MYH8: variants seen among roughly 807,000 people sequenced by gnomAD.
MYH8 encodes the protein myosin-8.
Under a neutral mutation model 233.2 loss-of-function variants are expected in MYH8, and 168 were observed. That is an observed-to-expected ratio of 0.72 (90% confidence interval 0.64 to 0.82). The LOEUF is 0.82. MYH8 is among the 40% of genes least tolerant of loss of function. The probability of loss-of-function intolerance (pLI) is 0.00; values close to 1 mark genes in which losing one functional copy is unlikely to be tolerated. For missense variants in MYH8, 1,995 were observed against 2,327.8 expected, an observed-to-expected ratio of 0.86 and a Z score of 2.94; for synonymous variants, 785 against 850.6, an observed-to-expected ratio of 0.92 and a Z score of 1.34.
At chr17:10,413,763 G>T in intron 12 of MYH8, 139 bp downstream of exon 12, 1 of 1,249,780 alleles carries the variant, frequency 8.0e-7, no homozygotes, top group South Asian at 1.2e-5. Flanking sequence ...AGGGGGTGAG[G>T]AAAGCATGCA....
In MYH8 at chr17:10,396,926, T is replaced by C. The variant is rs765671595; in HGVS notation, c.4239A>G (p.Lys1413=). ...GCTTCGTCTTCTCAAGGGAAGCACA[T>C]TTGGCGTTCACAGCTTCTACATGTT... ...AEEHVEAVNA[K]CASLEKTKQR... Residue 1413 remains lysine, a synonymous_variant, in exon 31 of 40, where the codon AAA becomes AAG. Transcript: ENST00000403437. The surrounding 1 kb of genome is among the most constrained non-coding windows in gnomAD (Gnocchi z 4.2). 7 of 1,614,108 alleles carry C rather than the reference T, an allele frequency of 4.3e-6. No homozygotes were observed. Among genetic ancestry groups the C allele is most frequent in the Non-Finnish European group, 5.9e-6 (7 of 1,180,048 alleles).
rs34124921 is a variant in MYH8 at position 10,414,223 on chromosome 17, A to G, written c.977T>C (p.Ile326Thr). The part of the protein sequence containing the change: ...VSQGEITVPS[I>T]DDQEELMATD... Reference sequence around the variant, plus strand: ...GGCCATCAACTCTTCTTGGTCATCAATACTGGGAACTGTGATCTCCCCCTG... The same window carrying G: ...GGCCATCAACTCTTCTTGGTCATCAGTACTGGGAACTGTGATCTCCCCCTG... Residue 326 changes from isoleucine (I) to threonine (T), a missense_variant, in exon 11 of 40, where the codon ATT (isoleucine) becomes ACT (threonine). Physicochemically the swap from Ile to Thr is moderately conservative, Grantham distance 89. Coordinates refer to ENST00000403437, the MANE Select transcript of MYH8 (RefSeq NM_002472.3). 132 of 1,614,174 alleles carry G rather than the reference A, an allele frequency of 8.2e-5. No individual in the cohort carries two copies. Among genetic ancestry groups the G allele is most frequent in the East Asian group, 1.6e-4 (7 of 44,878 alleles).
In MYH8 at chr17:10,409,297, A is replaced by G; in HGVS notation, c.1879T>C (p.Tyr627His). The change falls in exon 16 of 40, where the codon TAT becomes CAT. Residue 627 changes from tyrosine to histidine, a missense_variant. Coordinates refer to ENST00000403437, the MANE Select transcript of MYH8 (RefSeq NM_002472.3). ...MKTLASLFST[Y>H]ASAEADSSAK... Reference sequence around the variant, plus strand: ...AAAGTACCTGCTTCAGCACTAGCATACGTGGAAAAGAGACTGGCTAGAGTC... The same window carrying G: ...AAAGTACCTGCTTCAGCACTAGCATGCGTGGAAAAGAGACTGGCTAGAGTC... The G allele has an allele frequency of 6.2e-7, 1 of 1,614,272 alleles. No homozygotes were observed. Among genetic ancestry groups the G allele is most frequent in the Non-Finnish European group, 8.5e-7 (1 of 1,180,042 alleles).
chr17:10,420,676 A>G (rs756677691), intron 2 of MYH8, among the ~76,000 whole-genome samples: 6 of 152,264 alleles, frequency 3.9e-5, no homozygotes, highest in Admixed American at 1.3e-4. Context: ...ATGAAGGTTC[A>G]TATTTTCAAA....
rs1395177133 is a variant in MYH8 at position 10,415,782 on chromosome 17, AAC to A, written c.512-76_512-75del. 2.0e-6 allele frequency: 3 copies of A among 1,498,664 alleles called. No homozygotes were observed. Among genetic ancestry groups the A allele is most frequent in the African/African-American group, 1.4e-5 (1 of 72,120 alleles). 92.8% of individuals were successfully genotyped at this position (1,498,664 alleles called of 1,614,324 possible). On this transcript the variant is annotated intron_variant, in intron 5 of 39. Transcript: ENST00000403437. The surrounding 1 kb of genome is among the most constrained non-coding windows in gnomAD (Gnocchi z 4.1). ...AAGAGTATTGAATCAGTTCAGATCA[AAC>A]ACAGCTTGTTCTTTTTAACTTTTTG... is the stretch of plus-strand genomic sequence containing the variant.
intron 34 of MYH8, 123 bp from the exon 35 acceptor site, chr17:10,394,575 G>T: frequency 8.3e-7 from 1 of 1,203,100 alleles, no homozygotes; most frequent in Non-Finnish European, 1.2e-6. Context: ...TCATTTGAAT[G>T]CATCTGATTA....
rs112910113 is a variant in MYH8 at position 10,396,702 on chromosome 17, T to C, written c.4379A>G (p.Lys1460Arg). Reference sequence around the variant, plus strand: ...AGCCTGAGTTTCCTCATACTTCTGCTTCCATTCTGATAGGACCTGAAAAGC... The same window carrying C: ...AGCCTGAGTTTCCTCATACTTCTGCCTCCATTCTGATAGGACCTGAAAAGC... ...RNFDKVLSEW[K>R]QKYEETQAEL... The change falls in exon 32 of 40, where the codon AAG becomes AGG. Residue 1460 changes from lysine (K) to arginine (R), a missense_variant. By Grantham distance (26) the Lys-to-Arg change is conservative. Transcript: ENST00000403437. The surrounding 1 kb of genome is among the most constrained non-coding windows in gnomAD (Gnocchi z 4.2). 1.1e-3 allele frequency: 1,708 copies of C among 1,614,190 alleles called. 17 individuals are homozygous for C. The African/African-American group carries it at 0.02, about 19-fold the overall frequency.
At chr17:10,404,691 A>G in intron 21 of MYH8, 106 bp from the exon 22 acceptor site, 3 of 1,314,774 alleles carry the variant, frequency 2.3e-6, no homozygotes, top group Non-Finnish European at 3.2e-6. Flanking sequence ...TCACAAATAA[A>G]TATGTCACAT....
Position 10,412,706 on chromosome 17 carries a change from G to C in MYH8, c.1170C>G (p.Leu390=). Residue 390 remains leucine (L), a synonymous_variant, in exon 13 of 40, where the codon CTC becomes CTG. Transcript: ENST00000403437. The part of the protein sequence containing the change: ...GTEVADKAAY[L]QSLNSADLLK... ...GTAGGTCTGCAGAGTTCAGACTCTG[G>C]AGATAGGCTGCCTTGTCAGCGACTG... 1 of 1,614,186 alleles carries C rather than the reference G, an allele frequency of 6.2e-7. No homozygotes were observed.
Position 10,390,413 on chromosome 17 carries a change from G to A in MYH8, c.*41C>T. 2.5e-6 allele frequency: 4 copies of A among 1,611,652 alleles called. No individual in the cohort carries two copies. Among genetic ancestry groups the A allele is most frequent in the Non-Finnish European group, 3.4e-6 (4 of 1,179,404 alleles). The stretch of plus-strand genomic sequence containing the variant: ...CAAGTGACCAAAAATAGCACATTTT[G>A]TGCCTTTCTTCAGCCTCTTGATAGC... On this transcript the variant is annotated 3_prime_UTR_variant, in exon 40 of 40. Transcript: ENST00000403437.
rs571224080 is a variant in MYH8 at position 10,419,120 on chromosome 17, C to T, written c.211-90G>A. Reference sequence around the variant, plus strand: ...TTGCCCAGGCTGGAGTGCAGTGGCGCGATCTCAGCTCACTGCAACCTCCGC... The same window carrying T: ...TTGCCCAGGCTGGAGTGCAGTGGCGTGATCTCAGCTCACTGCAACCTCCGC... On this transcript the variant is annotated intron_variant, in intron 3 of 39. Coordinates refer to ENST00000403437, the MANE Select transcript of MYH8 (RefSeq NM_002472.3). The surrounding 1 kb of genome is among the most constrained non-coding windows in gnomAD (Gnocchi z 4.0). 1.2e-4 allele frequency: 171 copies of T among 1,455,150 alleles called. No individual in the cohort carries two copies. The highest frequency in any genetic ancestry group is 1.2e-3 in the African/African-American group (84 of 71,718). 90.1% of individuals were successfully genotyped at this position (1,455,150 alleles called of 1,614,324 possible).
At chr17:10,412,543 T>C (rs370119908) in intron 13 of MYH8, 24 bp from the exon 14 acceptor site, 47 of 1,614,126 alleles carry the variant, frequency 2.9e-5, no homozygotes, top group Non-Finnish European at 3.7e-5. Context: ...GTAATGTTTG[T>C]TGGTATTGTT....
intron 14 of MYH8, among the ~76,000 whole-genome samples, chr17:10,411,763 A>G (rs2072246371): frequency 6.6e-6 from 1 of 152,242 alleles, no homozygotes; most frequent in Non-Finnish European, 1.5e-5. Context: ...TCAGACATTT[A>G]GCAAATCCCC....
chr17:10,390,548 T>G lies in MYH8; in HGVS notation c.5720A>C (p.Glu1907Ala). ...AATGTCAGCCCGTTCCTCGGCCTCC[T>G]CCAGCTCATGCTGGAGTTTGCGGAA... The part of the protein sequence containing the change: ...SKFRKLQHEL[E>A]EAEERADIAE... The change falls in exon 40 of 40, where the codon GAG (glutamate) becomes GCG (alanine). Residue 1907 changes from glutamate to alanine, a missense_variant. Physicochemically the swap from Glu to Ala is moderately radical, Grantham distance 107 (BLOSUM62 -1). Coordinates refer to ENST00000403437, the MANE Select transcript of MYH8 (RefSeq NM_002472.3). 1 of 1,614,202 alleles carries G rather than the reference T, an allele frequency of 6.2e-7. No homozygotes were observed. Among genetic ancestry groups the G allele is most frequent in the Non-Finnish European group, 8.5e-7 (1 of 1,180,022 alleles).
chr17:10,392,058 T>C (rs1013639492), intron 38 of MYH8, 81 bp from the exon 39 acceptor site: 31 of 1,153,940 alleles, frequency 2.7e-5, no homozygotes, highest in East Asian at 9.4e-5. Flanking sequence ...TCATTTGGCA[T>C]GATGGCAGGT....
At chr17:10,395,015 G>A in intron 34 of MYH8, 118 bp downstream of exon 34, 4 of 1,110,228 alleles carry the variant, frequency 3.6e-6, no homozygotes, top group Non-Finnish European at 5.5e-6. Context: ...AGTTACCTTT[G>A]TGCGGTCAGC....
chr17:10,401,361 G>A lies in MYH8; in HGVS notation c.3022C>T (p.Gln1008Ter), dbSNP rs745704153. ...EKKALQETHQ[Q>*]TLDDLQAEED... ...TCTGCCTGCAGGTCATCCAGGGTCT[G>A]CTGGTGGGTCTCTTGGAGAGCCTTC... Residue 1008 changes from glutamine to a stop codon, truncating the protein, a stop_gained, in exon 24 of 40, where the codon CAG becomes TAG. Coordinates refer to ENST00000403437, the MANE Select transcript of MYH8 (RefSeq NM_002472.3). LOFTEE classifies it high-confidence loss of function. 1.9e-6 allele frequency: 3 copies of A among 1,614,124 alleles called. No individual in the cohort carries two copies. Among genetic ancestry groups the A allele is most frequent in the Non-Finnish European group, 2.5e-6 (3 of 1,180,024 alleles).
Position 10,409,289 on chromosome 17 carries a change from A to C in MYH8, c.1887T>G (p.Ser629Arg). The C allele has an allele frequency of 6.2e-7, 1 of 1,614,262 alleles. No homozygotes were observed. Among genetic ancestry groups the C allele is most frequent in the Non-Finnish European group, 8.5e-7 (1 of 1,180,038 alleles). ...TLASLFSTYA[S>R]AEADSSAKKG... is the part of the protein sequence containing the mutation. The stretch of plus-strand genomic sequence containing the variant: ...GGACACAGAAAGTACCTGCTTCAGC[A>C]CTAGCATACGTGGAAAAGAGACTGG... Residue 629 changes from serine (S) to arginine (R), a missense_variant, in exon 16 of 40, where the codon AGT (serine) becomes AGG (arginine). Coordinates refer to ENST00000403437, the MANE Select transcript of MYH8 (RefSeq NM_002472.3).
chr17:10,420,026 C>T lies in MYH8; in HGVS notation c.202G>A (p.Gly68Ser), dbSNP rs2072322375. The T allele has an allele frequency of 6.2e-7, 1 of 1,613,968 alleles. No homozygotes were observed. The highest frequency in any genetic ancestry group is 1.3e-5 in the African/African-American group (1 of 74,942). ...TCCCTGTTTTCACTTACTGCTCCAC[C>T]TTCAGTCTTTACGGTTACTTTCCCT... ...EGGKVTVKTE[G>S]GATLTVREDQ... The change falls in exon 3 of 40, where the codon GGT (glycine) becomes AGT (serine). Residue 68 changes from glycine (G) to serine (S), a missense_variant. Around this residue, in one of 3 missense-constraint regions of MYH8, gnomAD observed 479 missense variants for 600.9 expected, o/e 0.80. Coordinates refer to ENST00000403437, the MANE Select transcript of MYH8 (RefSeq NM_002472.3).
Sources: gnomAD v4.1 joint callset for allele counts (sites outside exome capture counted in the v4.1 genomes callset) on GRCh38, gnomAD v4.1.1 for gene constraint, gnomAD v4.1.1 regional missense constraint, Gnocchi (gnomAD v3.1) non-coding constraint, MANE v1.5 for transcripts, NCBI Gene and HGNC (gene_info 2026-07-23, HGNC 2026-07-21) for gene names.